The following SENP7 variants were observed in gnomAD, a reference collection of about 807,000 sequenced individuals.
SENP7 encodes the protein SUMO specific peptidase 7.
A neutral mutation model predicts 141.2 loss-of-function variants in SENP7; 64 were observed. That is an observed-to-expected ratio of 0.45 (90% confidence interval 0.37 to 0.56). SENP7 has a LOEUF of 0.56. Ranked by LOEUF, SENP7 falls within the 20% of genes least tolerant of loss-of-function variation. The probability of loss-of-function intolerance (pLI) is 0.00; values close to 1 mark genes in which losing one functional copy is unlikely to be tolerated. For synonymous variants in SENP7, 382 were observed against 426.4 expected, an observed-to-expected ratio of 0.90 and a Z score of 1.28; for missense variants, 1,025 against 1,212.2, an observed-to-expected ratio of 0.85 and a Z score of 2.29.
At position 101,494,065 on chromosome 3, in the gene SENP7, GC is replaced by G. The variant is rs2065069300; in HGVS notation, c.91-98del. 4 of 580,370 alleles carry G rather than the reference GC, an allele frequency of 6.9e-6. No individual in the cohort carries two copies. The East Asian group carries it at 1.2e-4, about 17-fold the overall frequency. The allele number at this position is 580,370 out of a possible 1,614,324, so 36.0% of individuals were successfully genotyped here. ...CTATACTACCCTGCATCAATAATTT[GC>G]TAACTGTTTTAAGGAGTTTTAAATT... On this transcript the variant is annotated intron_variant, in intron 2 of 23. Transcript: ENST00000394095.
intron 5 of SENP7, chr3:101,414,629 A>G: frequency 6.4e-7 from 1 of 1,569,888 alleles, no homozygotes; most frequent in South Asian, 1.1e-5. Flanking sequence ...GCCATTGGGA[A>G]ATAAAAGTCT....
intron 4 of SENP7, among the ~76,000 whole-genome samples, chr3:101,447,680 A>G (rs1487252463): frequency 6.6e-6 from 1 of 152,206 alleles, no homozygotes; most frequent in Non-Finnish European, 1.5e-5. Context: ...TACAGATTCA[A>G]TACAATCTCT....
At chr3:101,331,628 G>A (rs1372562383) in intron 19 of SENP7, among the ~76,000 whole-genome samples, 1 of 151,920 alleles carries the variant, frequency 6.6e-6, no homozygotes, top group African/African-American at 2.4e-5. Context: ...ATTAAAGAAA[G>A]AGAAATGGGA....
intron 4 of SENP7, among the ~76,000 whole-genome samples, chr3:101,445,829 A>T (rs2062869209): frequency 6.6e-6 from 1 of 152,250 alleles, no homozygotes; most frequent in South Asian, 2.1e-4. Flanking sequence ...GCATAAATTC[A>T]GCAAGAAAAT....
intron 3 of SENP7, among the ~76,000 whole-genome samples, chr3:101,472,377 C>A (rs1412573955): frequency 6.6e-6 from 1 of 152,150 alleles, no homozygotes; most frequent in Non-Finnish European, 1.5e-5. Context: ...TGGAAACCAT[C>A]ATTCTCAGCA....
chr3:101,504,176 C>T (rs963748800), intron 1 of SENP7, among the ~76,000 whole-genome samples: 3 of 151,736 alleles, frequency 2.0e-5, no homozygotes, highest in South Asian at 4.2e-4. Flanking sequence ...TTGGGCCAGG[C>T]GCGGTGGCTG....
At chr3:101,338,441 T>C (rs1371036506) in intron 16 of SENP7, among the ~76,000 whole-genome samples, 1 of 152,212 alleles carries the variant, frequency 6.6e-6, no homozygotes, top group African/African-American at 2.4e-5. Flanking sequence ...TCCTTCCATA[T>C]AAGCTTATAA....
In SENP7 at chr3:101,458,936, G is replaced by T. The variant is rs111923865; in HGVS notation, c.284+19C>A. 1 of 1,433,624 alleles carries T rather than the reference G, an allele frequency of 7.0e-7. No homozygotes were observed. The highest frequency in any genetic ancestry group is 9.7e-7 in the Non-Finnish European group (1 of 1,027,932). The allele number at this position is 1,433,624 out of a possible 1,614,324, so 88.8% of individuals were successfully genotyped here. A position where few individuals can be genotyped will look rare whatever the true frequency, so the allele number is the denominator to read the frequency against. ...TTATAGGTTAAGCCCATACTATGTCGCACACACACATATCTTACCTTTCTG... is the reference window on the plus strand; with the variant it reads ...TTATAGGTTAAGCCCATACTATGTCTCACACACACATATCTTACCTTTCTG... On this transcript the variant is annotated intron_variant, in intron 4 of 23. Transcript: ENST00000394095.
At chr3:101,500,285 G>C (rs2065326628) in intron 2 of SENP7, among the ~76,000 whole-genome samples, 1 of 152,202 alleles carries the variant, frequency 6.6e-6, no homozygotes. Flanking sequence ...GCCAGGTATG[G>C]TGGCTTATGC....
At chr3:101,501,941 T>C (rs747799233) in intron 1 of SENP7, among the ~76,000 whole-genome samples, 3 of 152,186 alleles carry the variant, frequency 2.0e-5, no homozygotes, top group Non-Finnish European at 4.4e-5. Context: ...AATGGGGGAA[T>C]AACACCCTTG....
chr3:101,380,364 T>C (rs1225921206), intron 6 of SENP7, among the ~76,000 whole-genome samples: 1 of 151,650 alleles, frequency 6.6e-6, no homozygotes, highest in Non-Finnish European at 1.5e-5. Flanking sequence ...CTATCAAGTA[T>C]ATTATAATTT....
intron 7 of SENP7, among the ~76,000 whole-genome samples, chr3:101,369,572 A>G (rs1371420445): frequency 6.6e-6 from 1 of 152,194 alleles, no homozygotes; most frequent in Non-Finnish European, 1.5e-5. Flanking sequence ...AGGATAGCAC[A>G]TTAAATTTTA....
intron 3 of SENP7, among the ~76,000 whole-genome samples, chr3:101,489,496 G>A (rs925514835): frequency 8.6e-6 from 1 of 116,494 alleles, no homozygotes; most frequent in Non-Finnish European, 1.9e-5. Flanking sequence ...ATAAAAAAGA[G>A]CAGGAGCCAC....
chr3:101,479,231 A>T (rs2064346612), intron 3 of SENP7, among the ~76,000 whole-genome samples: 1 of 152,232 alleles, frequency 6.6e-6, no homozygotes, highest in Non-Finnish European at 1.5e-5. Flanking sequence ...AATAAAAGAC[A>T]TCCAAATTGA....
At chr3:101,451,739 A>C (rs1215282697) in intron 4 of SENP7, among the ~76,000 whole-genome samples, 1 of 152,194 alleles carries the variant, frequency 6.6e-6, no homozygotes, top group African/African-American at 2.4e-5. Context: ...ATCTATGACA[A>C]ACTCACAGCC....
intron 4 of SENP7, among the ~76,000 whole-genome samples, chr3:101,433,618 T>C (rs544392937): frequency 2.6e-5 from 4 of 152,158 alleles, no homozygotes; most frequent in Non-Finnish European, 4.4e-5. Flanking sequence ...CAGGAGTCAC[T>C]ATACTTCTAT....
At chr3:101,512,840 C>T (rs1463601228) in intron 1 of SENP7, among the ~76,000 whole-genome samples, 1 of 152,100 alleles carries the variant, frequency 6.6e-6, no homozygotes, top group Non-Finnish European at 1.5e-5. Flanking sequence ...GGAGGGTGTT[C>T]GCGGGAGGAG....
Position 101,324,877 on chromosome 3 carries a change from T to C in SENP7, c.*1066A>G, listed in dbSNP as rs756615651. The stretch of plus-strand genomic sequence containing the variant: ...TGTTTAATCATATATAATGCCACCA[T>C]TATCACATGAATTCAGAACTGTTAC... On this transcript the variant is annotated 3_prime_UTR_variant, in exon 24 of 24. Coordinates refer to ENST00000394095, the MANE Select transcript of SENP7 (RefSeq NM_020654.5). 6.6e-6 allele frequency: 1 copy of C among 152,060 alleles called. No individual in the cohort carries two copies. Among genetic ancestry groups the C allele is most frequent in the Non-Finnish European group, 1.5e-5 (1 of 67,982 alleles). 9.4% of individuals were successfully genotyped at this position (152,060 alleles called of 1,614,324 possible).
At chr3:101,351,481 G>A (rs889521569) in intron 12 of SENP7, 137 bp downstream of exon 12, 6 of 600,024 alleles carry the variant, frequency 1.0e-5, no homozygotes, top group Non-Finnish European at 1.5e-5. Context: ...TTCAGAACAA[G>A]TCCATTATAA....
Sources: allele counts gnomAD v4.1 joint callset (sites outside exome capture counted in the v4.1 genomes callset), GRCh38; gene constraint gnomAD v4.1.1; transcripts MANE v1.5; gene names NCBI Gene and HGNC (gene_info 2026-07-23, HGNC 2026-07-21).